The following TMEM233 variants were observed in gnomAD, a reference collection of about 807,000 sequenced individuals.
The protein encoded by TMEM233 is dispanin subfamily B member 2.
In TMEM233, 6 loss-of-function variants were observed where a neutral mutation model predicts 11.2. The observed-to-expected ratio is 0.54, with a 90% CI of 0.29 to 1.06. The LOEUF (loss-of-function observed/expected upper bound fraction) is 1.06, where lower values mean the gene tolerates loss of function less well. TMEM233 is among the 50% of genes least tolerant of loss of function. TMEM233 has a pLI of 0.08. For synonymous variants in TMEM233, 59 were observed against 55.8 expected, an observed-to-expected ratio of 1.06 and a Z score of -0.26; for missense variants, 127 against 144.7, an observed-to-expected ratio of 0.88 and a Z score of 0.63.
At chr12:119,651,662 CAAA>C in the TMEM233 span, among the ~76,000 whole-genome samples, 7 of 142,516 alleles carry the variant, frequency 4.9e-5, 1 homozygote, top group African/African-American at 1.5e-4. Flanking sequence ...ACTAAATATA[CAAA>C]AAAAAAAAAA....
rs554398889 is a variant in TMEM233, at chr12:119,608,827, T to A, written c.186+14793T>A. ...CTCCTACATTCATTTATTCATTTATTCACTCAAAAATGTTTGAATACCTGC... is the reference window on the plus strand; with the variant it reads ...CTCCTACATTCATTTATTCATTTATACACTCAAAAATGTTTGAATACCTGC... On this transcript the variant is annotated intron_variant, in intron 1 of 2. Coordinates refer to ENST00000426426, the MANE Select transcript of TMEM233 (RefSeq NM_001136534.3). 2.0e-5 allele frequency among the ~76,000 whole-genome samples: 3 copies of A among 152,330 alleles called. No homozygotes were observed. The East Asian group carries it at 5.8e-4, about 29-fold the overall frequency.
downstream of TMEM233, among the ~76,000 whole-genome samples, chr12:119,645,040 T>A (rs2136818386): frequency 6.6e-6 from 1 of 152,256 alleles, no homozygotes; most frequent in African/African-American, 2.4e-5. Flanking sequence ...ACACACTGGC[T>A]GTACTAAAGG....
intron 1 of TMEM233, among the ~76,000 whole-genome samples, chr12:119,607,092 T>C (rs1346785195): frequency 1.3e-5 from 2 of 152,132 alleles, no homozygotes; most frequent in Admixed American, 1.3e-4. Context: ...TGAACGTGCA[T>C]GGGGGAAGAA....
the TMEM233 span, among the ~76,000 whole-genome samples, chr12:119,650,095 T>C: frequency 6.7e-6 from 1 of 149,700 alleles, no homozygotes; most frequent in South Asian, 2.1e-4. Flanking sequence ...GAGGCGGAGT[T>C]TGCAGTGAGC....
At chr12:119,601,589 C>T (rs1360524600) in intron 1 of TMEM233, among the ~76,000 whole-genome samples, 2 of 150,360 alleles carry the variant, frequency 1.3e-5, no homozygotes, top group Admixed American at 6.7e-5. Flanking sequence ...ACCTGAGAGC[C>T]GGAGCTTGCA....
chr12:119,600,441 T>C (rs1388707385), intron 1 of TMEM233, among the ~76,000 whole-genome samples: 1 of 129,312 alleles, frequency 7.7e-6, no homozygotes, highest in African/African-American at 2.9e-5. Context: ...AAAAATAAAA[T>C]AAAAATAGAG....
At chr12:119,650,342 T>C in the TMEM233 span, among the ~76,000 whole-genome samples, 1 of 152,194 alleles carries the variant, frequency 6.6e-6, no homozygotes, top group African/African-American at 2.4e-5. Flanking sequence ...ATAATTTGTC[T>C]GAGGCACAAC....
intron 1 of TMEM233, among the ~76,000 whole-genome samples, chr12:119,624,888 C>G (rs965055723): frequency 3.9e-5 from 6 of 152,148 alleles, no homozygotes; most frequent in Non-Finnish European, 7.3e-5. Flanking sequence ...ACATGTGCCA[C>G]CTGGTCCCCA....
chr12:119,642,054 G>A lies in TMEM233; in HGVS notation c.*1349G>A, dbSNP rs192616845. 1 of 152,282 alleles carries A rather than the reference G, an allele frequency of 6.6e-6. No homozygotes were observed. The highest frequency in any genetic ancestry group is 2.4e-5 in the African/African-American group (1 of 41,552). 9.4% of individuals were successfully genotyped at this position (152,282 alleles called of 1,614,324 possible). ...TTCAAATAAATTAAGAAAAACAAGA[G>A]AACTCAAGAAAATATCAAGTAATTA... On this transcript the variant is annotated 3_prime_UTR_variant, in exon 3 of 3. Transcript: ENST00000426426.
chr12:119,604,160 C>T (rs1954219557), intron 1 of TMEM233, among the ~76,000 whole-genome samples: 1 of 152,190 alleles, frequency 6.6e-6, no homozygotes, highest in South Asian at 2.1e-4. Context: ...CTGAGAATGT[C>T]CAGGTCTTCA....
rs1168479173 is a variant in TMEM233, at chr12:119,641,514, ACTCT to A, written c.*815_*818del. ...TGTGCTTTTTTTTTTTCAATTTCTC[ACTCT>A]CTCTCCTATCTCTAGCAAGTCTCAG... On this transcript the variant is annotated 3_prime_UTR_variant, in exon 3 of 3. Transcript: ENST00000426426. 6.7e-6 allele frequency: 1 copy of A among 149,152 alleles called. No individual in the cohort carries two copies. The highest frequency in any genetic ancestry group is 1.5e-5 in the Non-Finnish European group (1 of 67,320). 9.2% of individuals were successfully genotyped at this position (149,152 alleles called of 1,614,324 possible).
chr12:119,627,090 T>A (rs952305087), intron 1 of TMEM233, among the ~76,000 whole-genome samples: 5 of 152,214 alleles, frequency 3.3e-5, no homozygotes, highest in African/African-American at 1.2e-4. Flanking sequence ...GAGTAGCTGC[T>A]ATTTATCAGT....
intron 2 of TMEM233, among the ~76,000 whole-genome samples, chr12:119,636,771 A>T (rs1267198245): frequency 6.6e-6 from 1 of 152,224 alleles, no homozygotes; most frequent in Non-Finnish European, 1.5e-5. Context: ...TTCCCGGATG[A>T]CCCTGCTAAT....
chr12:119,649,854 TAA>T, the TMEM233 span, among the ~76,000 whole-genome samples: 211 of 91,310 alleles, frequency 2.3e-3, 1 homozygote, highest in African/African-American at 8.9e-3. Context: ...GTTTAACTAT[TAA>T]AAAAAAAAAA....
chr12:119,621,480 G>A (rs1954643247), intron 1 of TMEM233, among the ~76,000 whole-genome samples: 2 of 150,164 alleles, frequency 1.3e-5, no homozygotes, highest in African/African-American at 4.9e-5. Flanking sequence ...ACTGCACCTG[G>A]CCTATTCATA....
chr12:119,629,278 CG>C (rs1320582725), intron 1 of TMEM233, among the ~76,000 whole-genome samples: 1 of 152,080 alleles, frequency 6.6e-6, no homozygotes, highest in African/African-American at 2.4e-5. Context: ...GGCGTGGTGG[CG>C]GGCACCTGTA....
At chr12:119,643,767 C>CA (rs113473098), downstream of TMEM233, among the ~76,000 whole-genome samples, 3,276 of 119,454 alleles carry the variant, frequency 0.027, 117 homozygotes, top group African/African-American at 0.088. Flanking sequence ...GATTCCGTAT[C>CA]AAAAAAAAAA....
Position 119,639,609 on chromosome 12 carries a change from G to A in TMEM233, c.324-1090G>A, listed in dbSNP as rs7971380. Among the ~76,000 whole-genome samples the A allele has an allele frequency of 7.8e-3, 1,188 of 151,528 alleles. 15 individuals carry two copies. The highest frequency in any genetic ancestry group is 0.027 in the African/African-American group (1,132 of 41,238). ...TGCACTCCAGCCTGGGCAACAGAGC[G>A]AGACTCCATCTCAAAAAAAAAAGAA... On this transcript the variant is annotated intron_variant, in intron 2 of 2. Transcript: ENST00000426426.
chr12:119,653,867 TA>T, the TMEM233 span, among the ~76,000 whole-genome samples: 4 of 149,834 alleles, frequency 2.7e-5, no homozygotes, highest in East Asian at 7.9e-4. Flanking sequence ...GTCCTAAAAA[TA>T]AAAGGAGAGA....
Sources: allele counts gnomAD v4.1 joint callset (sites outside exome capture counted in the v4.1 genomes callset), GRCh38; gene constraint gnomAD v4.1.1; transcripts MANE v1.5; gene names NCBI Gene and HGNC (gene_info 2026-07-23, HGNC 2026-07-21).